TRMT11: variants seen among roughly 807,000 people sequenced by gnomAD.
TRMT11 encodes the protein tRNA methyltransferase 11.
A neutral mutation model predicts 62.8 loss-of-function variants in TRMT11; 53 were observed. The observed-to-expected ratio is 0.84, with a 90% confidence interval of 0.68 to 1.06. The LOEUF (loss-of-function observed/expected upper bound fraction) is 1.06. Ranked by LOEUF, TRMT11 falls within the 50% of genes least tolerant of loss-of-function variation. The pLI is 0.00. For synonymous variants in TRMT11, 188 were observed against 190.3 expected, an observed-to-expected ratio of 0.99 and a Z score of 0.10; for missense variants, 556 against 553.4, an observed-to-expected ratio of 1.00 and a Z score of -0.05.
chr6:126,015,999 G>C (rs1794932113), intron 11 of TRMT11, among the ~76,000 whole-genome samples: 1 of 152,080 alleles, frequency 6.6e-6, no homozygotes, highest in South Asian at 2.1e-4. Flanking sequence ...GTCTGGTCGG[G>C]CTCTTCTCTG....
chr6:126,134,795 T>C (rs1371841100), intron 21 of TRMT11, among the ~76,000 whole-genome samples: 1 of 151,878 alleles, frequency 6.6e-6, no homozygotes, highest in Non-Finnish European at 1.5e-5. Context: ...ATCAAGTATA[T>C]TTTCTGAACA....
rs527282179 is a variant in TRMT11, at chr6:126,110,108, G to T, written c.*1438-2758G>T. Among the ~76,000 whole-genome samples the T allele has an allele frequency of 2.0e-5, 3 of 152,298 alleles. No homozygotes were observed. The South Asian group carries it at 6.2e-4, about 32-fold the overall frequency. ...CTTGATGGCATGATCAGCTGATGCT[G>T]CTAAAGACCTGAGACTCTTAATCAG... On this transcript the variant is annotated intron_variant and NMD_transcript_variant, in intron 17 of 22. Coordinates refer to the TRMT11 transcript ENST00000648977.
intron 1 of TRMT11, among the ~76,000 whole-genome samples, chr6:126,184,256 C>G (rs1455740): frequency 0.75 from 114,545 of 151,958 alleles, 43,578 homozygotes; most frequent in East Asian, 1. Context: ...TACTTTGATA[C>G]ACTAGAGGTC....
intron 17 of TRMT11, among the ~76,000 whole-genome samples, chr6:126,055,028 A>G (rs1776329760): frequency 6.6e-6 from 1 of 152,134 alleles, no homozygotes; most frequent in Non-Finnish European, 1.5e-5. Flanking sequence ...GTAGTGGTGC[A>G]GTCTTAGCTC....
At chr6:126,050,574 C>G (rs1357001968) in intron 16 of TRMT11, among the ~76,000 whole-genome samples, 1 of 152,136 alleles carries the variant, frequency 6.6e-6, no homozygotes, top group Middle Eastern at 3.4e-3. Context: ...TGGCACATGC[C>G]TGTAGTGCTA....
At chr6:126,262,120 A>G in the TRMT11 span, among the ~76,000 whole-genome samples, 5 of 152,194 alleles carry the variant, frequency 3.3e-5, no homozygotes, top group African/African-American at 9.7e-5. Flanking sequence ...TTGCAGCAGT[A>G]TGTGTGCAAG....
intron 12 of TRMT11, among the ~76,000 whole-genome samples, chr6:126,038,448 A>AAG (rs1353495835): frequency 1.3e-5 from 2 of 150,330 alleles, no homozygotes; most frequent in African/African-American, 4.9e-5. Context: ...AAAAAAAAAA[A>AAG]AAAAAGAAAA....
At chr6:126,133,007 G>A (rs10872307) in intron 21 of TRMT11, among the ~76,000 whole-genome samples, 42,435 of 151,718 alleles carry the variant, frequency 0.28, 6,333 homozygotes, top group Middle Eastern at 0.44. Context: ...TAACTCATCA[G>A]GATATTGTTT....
intron 21 of TRMT11, among the ~76,000 whole-genome samples, chr6:126,142,766 C>T (rs549606653): frequency 1.7e-4 from 26 of 152,044 alleles, no homozygotes; most frequent in Admixed American, 1.4e-3. Flanking sequence ...GCTATATTAA[C>T]AGTGCTGAGA....
At chr6:126,023,097 A>G (rs1796061037) in intron 12 of TRMT11, among the ~76,000 whole-genome samples, 3 of 152,188 alleles carry the variant, frequency 2.0e-5, no homozygotes, top group Admixed American at 2.0e-4. Flanking sequence ...CTTATTTTAT[A>G]CCAGACTAAT....
intron 12 of TRMT11, among the ~76,000 whole-genome samples, chr6:126,034,594 A>G (rs1364339422): frequency 6.6e-6 from 1 of 152,286 alleles, no homozygotes; most frequent in African/African-American, 2.4e-5. Flanking sequence ...TGGAAATTGT[A>G]GTCTTTTTAT....
intron 17 of TRMT11, among the ~76,000 whole-genome samples, chr6:126,055,884 G>A (rs1776357314): frequency 6.6e-6 from 1 of 152,048 alleles, no homozygotes; most frequent in Non-Finnish European, 1.5e-5. Context: ...CAGTTCAAAA[G>A]CGTATACCCA....
the TRMT11 span, among the ~76,000 whole-genome samples, chr6:126,233,329 A>T: frequency 6.6e-6 from 1 of 152,176 alleles, no homozygotes; most frequent in East Asian, 1.9e-4. Flanking sequence ...TGCTCTGGGA[A>T]ATTACCAGGG....
chr6:126,266,181 G>A, the TRMT11 span, among the ~76,000 whole-genome samples: 2 of 152,152 alleles, frequency 1.3e-5, no homozygotes, highest in Non-Finnish European at 2.9e-5. Flanking sequence ...ACTAAAACAA[G>A]TTTGCCTGAT....
Position 126,083,609 on chromosome 6 carries a change from ATTTTTG to A in TRMT11, c.*1438-29243_*1438-29238del, listed in dbSNP as rs533617845. 1.8e-4 allele frequency among the ~76,000 whole-genome samples: 27 copies of A among 152,252 alleles called. No individual in the cohort carries two copies. In the South Asian group the frequency reaches 5.6e-3, roughly 32 times the overall value. On this transcript the variant is annotated intron_variant and NMD_transcript_variant, in intron 17 of 22. Transcript: ENST00000648977. ...TATACATCAGCTCACACACTTTGCC[ATTTTTG>A]TTTTTGTTTTTGTGGCAAGAACAGC... is the stretch of plus-strand genomic sequence containing the variant.
chr6:126,033,561 T>C (rs542111273), intron 12 of TRMT11, among the ~76,000 whole-genome samples: 103 of 152,278 alleles, frequency 6.8e-4, no homozygotes, highest in Non-Finnish European at 1.4e-3. Context: ...TTAGAATCGC[T>C]GAGGTGAATA....
the TRMT11 span, among the ~76,000 whole-genome samples, chr6:126,238,063 T>A: frequency 6.6e-6 from 1 of 152,168 alleles, no homozygotes. Flanking sequence ...TGATATCCCC[T>A]TTATCATTTT....
chr6:126,225,953 A>G, the TRMT11 span, among the ~76,000 whole-genome samples: 2 of 112,928 alleles, frequency 1.8e-5, no homozygotes, highest in Admixed American at 2.1e-4. Flanking sequence ...CTGTCTCCCA[A>G]AGTGCTGGGA....
At chr6:126,218,109 C>T in the TRMT11 span, among the ~76,000 whole-genome samples, 40 of 152,156 alleles carry the variant, frequency 2.6e-4, no homozygotes, top group Non-Finnish European at 4.9e-4. Context: ...ATGAGTACTG[C>T]CAGGGCAGTG....
Sources: gnomAD v4.1 joint callset for allele counts (sites outside exome capture counted in the v4.1 genomes callset) on GRCh38, gnomAD v4.1.1 for gene constraint, MANE v1.5 for transcripts, NCBI Gene and HGNC (gene_info 2026-07-23, HGNC 2026-07-21) for gene names.